Variants in PCDH11X observed in about 807,000 individuals in gnomAD.
The protein encoded by PCDH11X is protocadherin 11 X-linked, also known as protocadherin-11 X-linked.
In PCDH11X, 18 loss-of-function variants were observed where a neutral mutation model predicts 53.3. The observed-to-expected ratio is 0.34, with a 90% CI of 0.23 to 0.50. PCDH11X has a LOEUF of 0.50. Ranked by LOEUF, PCDH11X falls within the 20% of genes least tolerant of loss-of-function variation. PCDH11X has a pLI of 0.98. For synonymous variants in PCDH11X, 279 were observed against 393.3 expected (o/e 0.71, Z 3.44); for missense variants, 570 against 1,032.4 (o/e 0.55, Z 6.14).
chrX:92,248,138 A>G (rs1336596440), intron 7 of PCDH11X, among the ~76,000 whole-genome samples: 2 of 111,485 alleles, frequency 1.8e-5, no homozygotes, highest in Non-Finnish European at 3.8e-5. Flanking sequence ...TCAACTAAGA[A>G]CTCAGGGAAA....
intron 5 of PCDH11X, among the ~76,000 whole-genome samples, chrX:91,872,949 G>A (rs1166144229): frequency 1.9e-5 from 2 of 107,707 alleles, no homozygotes; most frequent in African/African-American, 6.7e-5. Flanking sequence ...AAACAGTCTT[G>A]GAATCATCAT....
chrX:92,396,561 T>G (rs4382641), intron 9 of PCDH11X, among the ~76,000 whole-genome samples: 2 of 101,538 alleles, frequency 2.0e-5, no homozygotes, highest in East Asian at 7.8e-4. Flanking sequence ...ATCCTGCTTT[T>G]GGCCGGGCAC....
intron 6 of PCDH11X, among the ~76,000 whole-genome samples, chrX:92,182,086 G>T: frequency 8.9e-6 from 1 of 112,296 alleles, no homozygotes; most frequent in Non-Finnish European, 1.9e-5. Context: ...GAGGGAGGCT[G>T]TACCCTACAA....
chrX:92,267,927 C>T (rs890594134), intron 8 of PCDH11X, among the ~76,000 whole-genome samples: 1 of 111,643 alleles, frequency 9.0e-6, no homozygotes, highest in African/African-American at 3.3e-5. Context: ...GCTACTAATC[C>T]CGTCATGGGG....
At chrX:91,798,307 G>A (rs1382429079) in intron 1 of PCDH11X, 40 of 111,403 alleles carry the variant, frequency 3.6e-4, no homozygotes, top group African/African-American at 1.3e-3. Context: ...CAGTGTTACA[G>A]GCCAGGCGTG....
chrX:92,012,726 T>C (rs895615270), intron 6 of PCDH11X, among the ~76,000 whole-genome samples: 12 of 111,510 alleles, frequency 1.1e-4, no homozygotes, highest in African/African-American at 3.9e-4. Context: ...TTGGATTTTG[T>C]AAAAATACTA....
intron 6 of PCDH11X, among the ~76,000 whole-genome samples, chrX:91,975,005 G>A (rs2062027069): frequency 9.0e-6 from 1 of 111,039 alleles, no homozygotes; most frequent in South Asian, 3.9e-4. Flanking sequence ...GCCTGCCTCG[G>A]CCGCCCAAAG....
Position 92,214,298 on chromosome X carries a change from C to T in PCDH11X, c.3114+12843C>T, listed in dbSNP as rs183120246. The stretch of plus-strand genomic sequence containing the variant: ...TGATTAATTTCGACTAACTTTAGGA[C>T]GCCAAAAGTCCTGATCTGGAGGGAA... On this transcript the variant is annotated intron_variant, in intron 7 of 10. Coordinates refer to ENST00000682573, the MANE Select transcript of PCDH11X (RefSeq NM_032968.5). Among the ~76,000 whole-genome samples, 175 of 111,532 alleles carry T rather than the reference C, an allele frequency of 1.6e-3. 1 individual carries two copies. Among genetic ancestry groups the T allele is most frequent in the East Asian group, 3.4e-3 (12 of 3,526 alleles).
At chrX:91,997,142 T>C (rs2062434001) in intron 6 of PCDH11X, among the ~76,000 whole-genome samples, 1 of 111,868 alleles carries the variant, frequency 8.9e-6, no homozygotes, top group South Asian at 3.7e-4. Context: ...TTAGTGTTTT[T>C]ACACAAGGTC....
chrX:92,445,022 T>G (rs1434824624), intron 9 of PCDH11X, among the ~76,000 whole-genome samples: 4 of 97,504 alleles, frequency 4.1e-5, no homozygotes, highest in Non-Finnish European at 8.3e-5. Context: ...CAGTTTCCTT[T>G]TCTTATTGTG....
At chrX:92,214,523 C>T (rs67823413) in intron 7 of PCDH11X, among the ~76,000 whole-genome samples, 17,519 of 111,027 alleles carry the variant, frequency 0.16, 1,265 homozygotes, top group Admixed American at 0.29. Flanking sequence ...GTAGAATTGC[C>T]ATGAAGGTTA....
intron 10 of PCDH11X, among the ~76,000 whole-genome samples, chrX:92,554,578 A>G (rs2075017090): frequency 9.1e-6 from 1 of 109,291 alleles, no homozygotes; most frequent in Non-Finnish European, 1.9e-5. Flanking sequence ...TTTATAAACT[A>G]TTCTTCAGCC....
intron 6 of PCDH11X, among the ~76,000 whole-genome samples, chrX:91,925,797 G>T (rs958963794): frequency 4.5e-5 from 5 of 110,628 alleles, no homozygotes; most frequent in Non-Finnish European, 9.5e-5. Context: ...TGTGTGCAAT[G>T]ATTTCAGGCA....
chrX:92,422,897 G>A (rs2072006747), intron 9 of PCDH11X, among the ~76,000 whole-genome samples: 1 of 108,538 alleles, frequency 9.2e-6, no homozygotes, highest in Admixed American at 9.8e-5. Context: ...TGCCCAGGCT[G>A]GAGTGCAGTG....
intron 8 of PCDH11X, among the ~76,000 whole-genome samples, chrX:92,351,251 G>C (rs1322281204): frequency 9.0e-6 from 1 of 111,689 alleles, no homozygotes; most frequent in Non-Finnish European, 1.9e-5. Flanking sequence ...CTCCTACAAA[G>C]CTCTTTTGTG....
chrX:92,367,265 C>G (rs185066382), intron 8 of PCDH11X, among the ~76,000 whole-genome samples: 1 of 111,370 alleles, frequency 9.0e-6, no homozygotes, highest in African/African-American at 3.3e-5. Context: ...TTTGTCTTTT[C>G]TTGACCTTTG....
chrX:92,601,726 CAAG>C (rs1303768204), intron 10 of PCDH11X, among the ~76,000 whole-genome samples: 1 of 110,226 alleles, frequency 9.1e-6, no homozygotes, highest in Non-Finnish European at 1.9e-5. Context: ...TAATATTCTG[CAAG>C]AATAGTGAGA....
intron 8 of PCDH11X, among the ~76,000 whole-genome samples, chrX:92,283,790 A>T (rs778041032): frequency 1.8e-5 from 2 of 111,561 alleles, no homozygotes; most frequent in African/African-American, 3.2e-5. Context: ...TTTTTACTTG[A>T]GGTGTATATC....
chrX:92,350,462 T>G (rs1025497263), intron 8 of PCDH11X, among the ~76,000 whole-genome samples: 13 of 111,469 alleles, frequency 1.2e-4, no homozygotes, highest in Non-Finnish European at 2.4e-4. Flanking sequence ...GGGATGTGGC[T>G]TCCTGTGAGC....
Sources: gnomAD v4.1 joint callset for allele counts (sites outside exome capture counted in the v4.1 genomes callset) on GRCh38, gnomAD v4.1.1 for gene constraint, MANE v1.5 for transcripts, NCBI Gene and HGNC (gene_info 2026-07-23, HGNC 2026-07-21) for gene names.